RNF112: variants seen among roughly 807,000 people sequenced by gnomAD.
The protein encoded by RNF112 is brain finger protein.
Under a neutral mutation model 64.7 loss-of-function variants are expected in RNF112, and 34 were observed. That is an observed-to-expected ratio of 0.53 (90% CI 0.40 to 0.70). The LOEUF is 0.70. RNF112 is among the 30% of genes least tolerant of loss of function. The probability of loss-of-function intolerance (pLI) is 0.00; values close to 1 mark genes in which losing one functional copy is unlikely to be tolerated. For missense variants in RNF112, 734 were observed against 850.0 expected, an observed-to-expected ratio of 0.86 and a Z score of 1.70; for synonymous variants, 345 against 344.5, an observed-to-expected ratio of 1.00 and a Z score of -0.02.
chr17:19,414,080 TC>T lies in RNF112; in HGVS notation c.826-14del. ...CTCTGTAATCTCTCATACATGTTGT[TC>T]TCTCTGATTCCAGATCCTCAGCACC... On this transcript the variant is annotated splice_polypyrimidine_tract_variant and intron_variant, in intron 6 of 13. Transcript: ENST00000461366. 6.3e-7 allele frequency: 1 copy of T among 1,598,918 alleles called. No individual in the cohort carries two copies. Among genetic ancestry groups the T allele is most frequent in the South Asian group, 1.1e-5 (1 of 90,730 alleles).
At position 19,413,001 on chromosome 17, in the gene RNF112, A is replaced by C; in HGVS notation, c.445A>C (p.Ile149Leu). Residue 149 changes from isoleucine to leucine, a missense_variant, in exon 4 of 14, where the codon ATC (isoleucine) becomes CTC (leucine). Ile to Leu is a conservative substitution (Grantham distance 5). Coordinates refer to ENST00000461366, the MANE Select transcript of RNF112 (RefSeq NM_007148.5). The surrounding 1 kb of genome is among the most constrained non-coding windows in gnomAD (Gnocchi z 5.9). The part of the protein sequence containing the change: ...LVRINASGGL[I>L]LRMGAINRCL... ...TCGCATCAATGCCTCTGGGGGCCTC[A>C]TCCTTAGGATGGGGGCCATCAACCG... The C allele has an allele frequency of 6.2e-7, 1 of 1,610,808 alleles. No homozygotes were observed. The highest frequency in any genetic ancestry group is 8.5e-7 in the Non-Finnish European group (1 of 1,178,820).
In RNF112 at chr17:19,415,374, G is replaced by A. The variant is rs551513824; in HGVS notation, c.1350+35G>A. On this transcript the variant is annotated intron_variant, in intron 12 of 13. Transcript: ENST00000461366. This position sits in a 1 kb window ranked among gnomAD's most constrained non-coding sequence, Gnocchi z 7.8. The stretch of plus-strand genomic sequence containing the variant: ...CTGGGGGATCCAGCATTCTGGCAGG[G>A]AGACAGGGGAGGCAGGGAGGTGGGG... The A allele has an allele frequency of 2.9e-5, 46 of 1,570,568 alleles. No homozygotes were observed. The highest frequency in any genetic ancestry group is 3.8e-5 in the Non-Finnish European group (44 of 1,158,096).
Position 19,415,745 on chromosome 17 carries a change from T to A in RNF112, c.1466T>A (p.Leu489Gln). The A allele has an allele frequency of 6.2e-7, 1 of 1,613,182 alleles. No individual in the cohort carries two copies. ...CGCATATTCTCTGCGCTGCGGGTCC[T>A]GCCAGACACCATGCGGAACCTCCTC... ...TKRIFSALRVLPDTMRNLLST... is the reference protein window; with the variant it reads ...TKRIFSALRVQPDTMRNLLST... The change falls in exon 14 of 14, where the codon CTG becomes CAG. Residue 489 changes from leucine (L) to glutamine (Q), a missense_variant. Coordinates refer to ENST00000461366, the MANE Select transcript of RNF112 (RefSeq NM_007148.5). This position sits in a 1 kb window ranked among gnomAD's most constrained non-coding sequence, Gnocchi z 7.8.
At position 19,413,080 on chromosome 17, in the gene RNF112, TG is replaced by T; in HGVS notation, c.529del (p.Glu177SerfsTer76). On this transcript the variant is annotated frameshift_variant, in exon 4 of 14. Coordinates refer to ENST00000461366, the MANE Select transcript of RNF112 (RefSeq NM_007148.5). LOFTEE classifies it high-confidence loss of function. The surrounding 1 kb of genome is among the most constrained non-coding windows in gnomAD (Gnocchi z 5.9). ...RDTPVCLLAVLGEQHSGKSFL... is the reference protein window; with the variant it reads ...RDTPVCLLAVXGEQHSGKSFL... ...ACCCCAGTCTGCCTCCTCGCTGTCC[TG>T]GGGGAGCAGCACTCAGGGAAGTCCT... 6.2e-7 allele frequency: 1 copy of T among 1,613,076 alleles called. No individual in the cohort carries two copies. Among genetic ancestry groups the T allele is most frequent in the Non-Finnish European group, 8.5e-7 (1 of 1,179,714 alleles).
chr17:19,415,972 G>C lies in RNF112; in HGVS notation c.1693G>C (p.Val565Leu). 1 of 1,579,070 alleles carries C rather than the reference G, an allele frequency of 6.3e-7. No homozygotes were observed. The highest frequency in any genetic ancestry group is 8.6e-7 in the Non-Finnish European group (1 of 1,163,998). Residue 565 changes from valine to leucine, a missense_variant, in exon 14 of 14, where the codon GTG becomes CTG. Transcript: ENST00000461366. The surrounding 1 kb of genome is among the most constrained non-coding windows in gnomAD (Gnocchi z 7.8). ...CGGGCTCATGGGCCTGGCAGGGGGC[G>C]TGGTGGGTGCTGGCATGGCAGCAGC... ...GAGLMGLAGG[V>L]VGAGMAAAAL...
Position 19,415,440 on chromosome 17 carries a change from G to A in RNF112, c.1351-78G>A. On this transcript the variant is annotated intron_variant, in intron 12 of 13. Transcript: ENST00000461366. This position sits in a 1 kb window ranked among gnomAD's most constrained non-coding sequence, Gnocchi z 7.8. ...CCGGGGTGGGGGTCTGTGTGCCCTG[G>A]GAGTGGAGATGAGGAAACAAGCAGC... 6.4e-7 allele frequency: 1 copy of A among 1,554,072 alleles called. No individual in the cohort carries two copies. Among genetic ancestry groups the A allele is most frequent in the Non-Finnish European group, 8.7e-7 (1 of 1,148,248 alleles).
Position 19,413,566 on chromosome 17 carries a change from C to T in RNF112, c.721-11C>T. 1 of 1,610,250 alleles carries T rather than the reference C, an allele frequency of 6.2e-7. No individual in the cohort carries two copies. On this transcript the variant is annotated splice_polypyrimidine_tract_variant and intron_variant, in intron 5 of 13. Transcript: ENST00000461366. The surrounding 1 kb of genome is among the most constrained non-coding windows in gnomAD (Gnocchi z 5.9). ...CCTGGCCCCTTGGGTCTTTCCCTAC[C>T]CCCTGCATAGGTGGCGGTGTTCCTG...
chr17:19,415,733 C>T lies in RNF112; in HGVS notation c.1454C>T (p.Ala485Val), dbSNP rs761492593. 9 of 1,611,864 alleles carry T rather than the reference C, an allele frequency of 5.6e-6. No individual in the cohort carries two copies. The highest frequency in any genetic ancestry group is 1.1e-5 in the South Asian group (1 of 90,908). The change falls in exon 14 of 14, where the codon GCG becomes GTG. Residue 485 changes from alanine (A) to valine (V), a missense_variant. Coordinates refer to ENST00000461366, the MANE Select transcript of RNF112 (RefSeq NM_007148.5). This position sits in a 1 kb window ranked among gnomAD's most constrained non-coding sequence, Gnocchi z 7.8. ...GTAGCCACCAAGCGCATATTCTCTG[C>T]GCTGCGGGTCCTGCCAGACACCATG... ...QDVATKRIFS[A>V]LRVLPDTMRN...
rs758225118 is a variant in RNF112, at chr17:19,415,348, G to C, written c.1350+9G>C. 2 of 1,595,764 alleles carry C rather than the reference G, an allele frequency of 1.3e-6. No homozygotes were observed. Among genetic ancestry groups the C allele is most frequent in the African/African-American group, 1.3e-5 (1 of 74,504 alleles). ...TCACCTCTCCGGATGAGGTATGAGC[G>C]CTGGGGGATCCAGCATTCTGGCAGG... is the stretch of plus-strand genomic sequence containing the variant. On this transcript the variant is annotated intron_variant, in intron 12 of 13. Coordinates refer to ENST00000461366, the MANE Select transcript of RNF112 (RefSeq NM_007148.5). The surrounding 1 kb of genome is among the most constrained non-coding windows in gnomAD (Gnocchi z 7.8).
chr17:19,412,636 A>T lies in RNF112; in HGVS notation c.234A>T (p.Ile78=), dbSNP rs1310040314. 1.2e-6 allele frequency: 2 copies of T among 1,613,488 alleles called. No individual in the cohort carries two copies. Among genetic ancestry groups the T allele is most frequent in the East Asian group, 2.2e-5 (1 of 44,828 alleles). ...ISLDCGHDFC[I]RCFSTHRLPG... ...TGGACTGTGGCCACGACTTCTGCAT[A>T]CGGTGCTTCAGCACACACCGTCTCC... Residue 78 remains isoleucine (I), a synonymous_variant, in exon 3 of 14, where the codon ATA becomes ATT. Coordinates refer to ENST00000461366, the MANE Select transcript of RNF112 (RefSeq NM_007148.5). The surrounding 1 kb of genome is among the most constrained non-coding windows in gnomAD (Gnocchi z 5.1).
intron 2 of RNF112, 182 bp downstream of exon 2, chr17:19,411,852 G>C: frequency 1.5e-6 from 1 of 663,720 alleles, no homozygotes; most frequent in South Asian, 1.9e-5. Flanking sequence ...CAGGGAGGCA[G>C]ATGCCAGCTC....
Position 19,414,155 on chromosome 17 carries a change from C to T in RNF112, c.876+10C>T. 3 of 1,601,396 alleles carry T rather than the reference C, an allele frequency of 1.9e-6. No individual in the cohort carries two copies. The highest frequency in any genetic ancestry group is 2.6e-6 in the Non-Finnish European group (3 of 1,169,398). On this transcript the variant is annotated intron_variant, in intron 7 of 13. Transcript: ENST00000461366. ...CCTGGACTATCTGGAGGTAAAGAGA[C>T]CTCTGATGTTGGGGCATCCCCCACC... is the stretch of plus-strand genomic sequence containing the variant.
In RNF112 at chr17:19,416,352, C is replaced by G; in HGVS notation, c.*177C>G. 1.7e-6 allele frequency: 1 copy of G among 602,002 alleles called. No homozygotes were observed. The highest frequency in any genetic ancestry group is 3.4e-5 in the Admixed American group (1 of 29,316). 37.3% of individuals were successfully genotyped at this position (602,002 alleles called of 1,614,324 possible). ...TGGGACTCAAGGTGGCTCTTGGAAC[C>G]TGGGAGGCAGCATCTGGGGGCAGTG... On this transcript the variant is annotated 3_prime_UTR_variant, in exon 14 of 14. Transcript: ENST00000461366.
chr17:19,413,081 G>A lies in RNF112; in HGVS notation c.525G>A (p.Leu175=). ...RDTPVCLLAV[L]GEQHSGKSFL... ...CCCCAGTCTGCCTCCTCGCTGTCCT[G>A]GGGGAGCAGCACTCAGGGAAGTCCT... Residue 175 remains leucine (L), a synonymous_variant, in exon 4 of 14, where the codon CTG becomes CTA. Coordinates refer to ENST00000461366, the MANE Select transcript of RNF112 (RefSeq NM_007148.5). The surrounding 1 kb of genome is among the most constrained non-coding windows in gnomAD (Gnocchi z 5.9). 6.2e-7 allele frequency: 1 copy of A among 1,613,434 alleles called. No individual in the cohort carries two copies. Among genetic ancestry groups the A allele is most frequent in the East Asian group, 2.2e-5 (1 of 44,878 alleles).
In RNF112 at chr17:19,413,016, G is replaced by A. The variant is rs777217796; in HGVS notation, c.460G>A (p.Ala154Thr). 2 of 1,611,510 alleles carry A rather than the reference G, an allele frequency of 1.2e-6. No individual in the cohort carries two copies. Among genetic ancestry groups the A allele is most frequent in the Non-Finnish European group, 8.5e-7 (1 of 1,179,174 alleles). The change falls in exon 4 of 14, where the codon GCC (alanine) becomes ACC (threonine). Residue 154 changes from alanine to threonine, a missense_variant. Coordinates refer to ENST00000461366, the MANE Select transcript of RNF112 (RefSeq NM_007148.5). The surrounding 1 kb of genome is among the most constrained non-coding windows in gnomAD (Gnocchi z 5.9). ...ASGGLILRMG[A>T]INRCLKHPLA... ...TGGGGGCCTCATCCTTAGGATGGGG[G>A]CCATCAACCGCTGCCTGAAGCACCC...
intron 2 of RNF112, 31 bp downstream of exon 2, chr17:19,411,701 G>T: frequency 6.4e-7 from 1 of 1,566,744 alleles, no homozygotes. Flanking sequence ...GGCTGGGATG[G>T]GTGCAGTGAG....
At chr17:19,414,175 C>G (rs747523181) in intron 7 of RNF112, 30 bp downstream of exon 7, 3 of 1,579,354 alleles carry the variant, frequency 1.9e-6, no homozygotes, top group Non-Finnish European at 2.6e-6. Flanking sequence ...TGGGGCATCC[C>G]CCACCCCCAC....
At position 19,412,852 on chromosome 17, in the gene RNF112, C is replaced by T. The variant is rs1488172876; in HGVS notation, c.381+69C>T. The T allele has an allele frequency of 2.5e-6, 4 of 1,585,258 alleles. No homozygotes were observed. In the African/African-American group the frequency reaches 5.5e-5, roughly 22 times the overall value. The stretch of plus-strand genomic sequence containing the variant: ...TGGCTTTGGCCCTATTCTAGAACAT[C>T]AGGACACAGAGCTCCAGGCTGAACA... On this transcript the variant is annotated intron_variant, in intron 3 of 13. Coordinates refer to ENST00000461366, the MANE Select transcript of RNF112 (RefSeq NM_007148.5). The surrounding 1 kb of genome is among the most constrained non-coding windows in gnomAD (Gnocchi z 5.1).
At position 19,416,254 on chromosome 17, in the gene RNF112, C is replaced by A; in HGVS notation, c.*79C>A. On this transcript the variant is annotated 3_prime_UTR_variant, in exon 14 of 14. Transcript: ENST00000461366. ...AGGGGCAGGTCGGGGGAGGGTGATG[C>A]CAGGGATTCCAAGGCACCGCCATGT... 7.7e-7 allele frequency: 1 copy of A among 1,303,770 alleles called. No homozygotes were observed. The highest frequency in any genetic ancestry group is 1.0e-6 in the Non-Finnish European group (1 of 954,950). The allele number at this position is 1,303,770 out of a possible 1,614,324, so 80.8% of individuals were successfully genotyped here.
Sources: gnomAD v4.1 joint callset for allele counts on GRCh38, gnomAD v4.1.1 for gene constraint, Gnocchi (gnomAD v3.1) non-coding constraint, MANE v1.5 for transcripts, NCBI Gene and HGNC (gene_info 2026-07-23, HGNC 2026-07-21) for gene names.